RNF150: variants seen among roughly 807,000 people sequenced by gnomAD.
The protein encoded by RNF150 is ring finger protein 150.
Under a neutral mutation model 39.3 loss-of-function variants are expected in RNF150, and 24 were observed. That is an observed-to-expected ratio of 0.61 (90% CI 0.44 to 0.86). The LOEUF is 0.86. RNF150 is among the 40% of genes least tolerant of loss of function. The probability of loss-of-function intolerance (pLI) is 0.00; values close to 1 mark genes in which losing one functional copy is unlikely to be tolerated. For missense variants in RNF150, 502 were observed against 587.8 expected, an observed-to-expected ratio of 0.85 and a Z score of 1.51; for synonymous variants, 255 against 227.3, an observed-to-expected ratio of 1.12 and a Z score of -1.10.
chr4:140,906,968 C>A (rs1384052516), intron 6 of RNF150, among the ~76,000 whole-genome samples: 1 of 152,172 alleles, frequency 6.6e-6, no homozygotes, highest in Non-Finnish European at 1.5e-5. Context: ...TCAGACCCCA[C>A]CCCCGCGAGA....
intron 1 of RNF150, among the ~76,000 whole-genome samples, chr4:140,975,175 G>A (rs550560900): frequency 7.7e-4 from 117 of 152,256 alleles, no homozygotes; most frequent in African/African-American, 2.8e-3. Context: ...AGGATGACTT[G>A]AGCCTGGTAG....
chr4:141,189,972 G>T (rs1447198240), intron 1 of RNF150, among the ~76,000 whole-genome samples: 1 of 152,140 alleles, frequency 6.6e-6, no homozygotes, highest in Non-Finnish European at 1.5e-5. Flanking sequence ...AGGTAGCTTG[G>T]TGTCTGCCCA....
intron 1 of RNF150, among the ~76,000 whole-genome samples, chr4:141,003,135 T>C (rs556121811): frequency 1.4e-3 from 213 of 152,180 alleles, no homozygotes; most frequent in African/African-American, 5.1e-3. Flanking sequence ...TTATTACTTA[T>C]TGGGCCAAGC....
chr4:141,019,752 G>A (rs1194518488), intron 1 of RNF150, among the ~76,000 whole-genome samples: 1 of 152,124 alleles, frequency 6.6e-6, no homozygotes, highest in East Asian at 1.9e-4. Context: ...AGAACAACAG[G>A]TATTTAAGTT....
intron 1 of RNF150, among the ~76,000 whole-genome samples, chr4:141,138,942 C>T (rs1427166386): frequency 6.6e-6 from 1 of 152,120 alleles, no homozygotes; most frequent in Non-Finnish European, 1.5e-5. Flanking sequence ...TGTGGTGACT[C>T]AAGTCTGTAA....
chr4:141,027,773 T>C (rs1039653670), intron 1 of RNF150, among the ~76,000 whole-genome samples: 2 of 152,114 alleles, frequency 1.3e-5, no homozygotes, highest in African/African-American at 4.8e-5. Flanking sequence ...TGGTGCAGAG[T>C]AGCCCTGGAT....
At chr4:141,059,286 C>T (rs367654692) in intron 1 of RNF150, among the ~76,000 whole-genome samples, 12 of 152,192 alleles carry the variant, frequency 7.9e-5, no homozygotes, top group African/African-American at 2.9e-4. Context: ...GACTGTAATT[C>T]TATCATTCTT....
chr4:140,907,018 A>T (rs1730405257), intron 6 of RNF150, among the ~76,000 whole-genome samples: 1 of 152,166 alleles, frequency 6.6e-6, no homozygotes, highest in African/African-American at 2.4e-5. Flanking sequence ...GGGATAATAA[A>T]GTCATCTTTT....
At chr4:141,106,718 C>T (rs559449203) in intron 1 of RNF150, among the ~76,000 whole-genome samples, 8 of 152,074 alleles carry the variant, frequency 5.3e-5, no homozygotes, top group South Asian at 2.1e-4. Flanking sequence ...TGCTTGAACC[C>T]GGGAGGCGGA....
In RNF150 at chr4:141,166,350, C is replaced by T. The variant is rs1051874789; in HGVS notation, c.-6+46444G>A. Among the ~76,000 whole-genome samples the T allele has an allele frequency of 6.6e-5, 10 of 152,306 alleles. No homozygotes were observed. In the East Asian group the frequency reaches 1.2e-3, roughly 18 times the overall value. On this transcript the variant is annotated intron_variant, in intron 1 of 7. Coordinates refer to the RNF150 transcript ENST00000420921. Reference sequence around the variant, plus strand: ...AAAATCCCAGGACCAGATGGATTCACAGCCGAATTCTACCAGAGGTACAAA... The same window carrying T: ...AAAATCCCAGGACCAGATGGATTCATAGCCGAATTCTACCAGAGGTACAAA...
chr4:141,060,996 G>A (rs961964681), intron 1 of RNF150, among the ~76,000 whole-genome samples: 56 of 152,202 alleles, frequency 3.7e-4, no homozygotes, highest in African/African-American at 1.3e-3. Context: ...TGCGGGGTCG[G>A]GGGCTAGGGA....
At chr4:141,090,525 A>T (rs1178961318) in intron 1 of RNF150, among the ~76,000 whole-genome samples, 1 of 152,218 alleles carries the variant, frequency 6.6e-6, no homozygotes, top group South Asian at 2.1e-4. Context: ...AGCTTATCTT[A>T]GCAGCATACT....
At chr4:140,925,901 T>A in intron 5 of RNF150, 76 bp downstream of exon 5, 1 of 994,582 alleles carries the variant, frequency 1.0e-6, no homozygotes, top group Non-Finnish European at 1.6e-6. Context: ...AACATCCAAG[T>A]ATAATGTTTT....
At chr4:140,979,114 C>G (rs1733769482) in intron 1 of RNF150, among the ~76,000 whole-genome samples, 1 of 152,054 alleles carries the variant, frequency 6.6e-6, no homozygotes, top group Admixed American at 6.6e-5. Context: ...CCTGTGTATA[C>G]AAAAAGTAGC....
At chr4:141,189,670 G>A (rs550150908) in intron 1 of RNF150, among the ~76,000 whole-genome samples, 6 of 152,236 alleles carry the variant, frequency 3.9e-5, no homozygotes, top group South Asian at 2.1e-4. Context: ...CAGCCAGTCC[G>A]AACTTCTCAG....
intron 1 of RNF150, among the ~76,000 whole-genome samples, chr4:141,051,497 T>A (rs1009755854): frequency 1.3e-5 from 2 of 152,218 alleles, no homozygotes; most frequent in African/African-American, 4.8e-5. Context: ...CTTGAATGCT[T>A]TGCTGCTTAG....
At chr4:140,940,203 C>T (rs1290761426) in intron 4 of RNF150, among the ~76,000 whole-genome samples, 1 of 152,176 alleles carries the variant, frequency 6.6e-6, no homozygotes, top group East Asian at 1.9e-4. Context: ...AATTCCAGGT[C>T]ACCACAGTTA....
chr4:140,970,332 T>C (rs1357788706), intron 1 of RNF150, among the ~76,000 whole-genome samples: 2 of 152,134 alleles, frequency 1.3e-5, no homozygotes, highest in Non-Finnish European at 2.9e-5. Flanking sequence ...TTATCAGATA[T>C]ATTTGGGTCA....
At position 140,949,360 on chromosome 4, in the gene RNF150, C is replaced by T. The variant is rs1560982349; in HGVS notation, c.748G>A (p.Asp250Asn). Residue 250 changes from aspartate to asparagine, a missense_variant, in exon 3 of 7, where the codon GAT becomes AAT. Physicochemically the swap from Asp to Asn is conservative, Grantham distance 23. Coordinates refer to ENST00000515673, the MANE Select transcript of RNF150 (RefSeq NM_020724.2). ...TTGCTGATGGCTTTCTTTGCTGCAT[C>T]CCCCAGTCGGCGCTGAAAAGCCAAA... The part of the protein sequence containing the change: ...ARDRNQRRLG[D>N]AAKKAISKLQ... 1 of 1,612,618 alleles carries T rather than the reference C, an allele frequency of 6.2e-7. No individual in the cohort carries two copies. The highest frequency in any genetic ancestry group is 1.1e-5 in the South Asian group (1 of 90,702).
Sources: gnomAD v4.1 joint callset for allele counts (sites outside exome capture counted in the v4.1 genomes callset) on GRCh38, gnomAD v4.1.1 for gene constraint, MANE v1.5 for transcripts, NCBI Gene and HGNC (gene_info 2026-07-23, HGNC 2026-07-21) for gene names.